Variants in PCDHGA2 observed in about 807,000 individuals in gnomAD.
PCDHGA2 encodes protocadherin gamma-A2.
A neutral mutation model predicts 59.2 loss-of-function variants in PCDHGA2; 40 were observed. The ratio of observed to expected loss-of-function variants is 0.68; its 90% confidence interval spans 0.52 to 0.88. The LOEUF is 0.88. Ranked by LOEUF, PCDHGA2 falls within the 40% of genes least tolerant of loss-of-function variation. The pLI is 0.00. For synonymous variants in PCDHGA2, 560 were observed against 526.0 expected (o/e 1.06, Z -0.89); for missense variants, 1,226 against 1,204.0 (o/e 1.02, Z -0.27).
At chr5:141,470,682 T>C (rs2099236741) in intron 1 of PCDHGA2, among the ~76,000 whole-genome samples, 1 of 152,138 alleles carries the variant, frequency 6.6e-6, no homozygotes, top group Non-Finnish European at 1.5e-5. Flanking sequence ...TGTTACCATC[T>C]TGAAATTCTT....
chr5:141,360,926 T>C, intron 1 of PCDHGA2: 1 of 1,613,986 alleles, frequency 6.2e-7, no homozygotes, highest in Non-Finnish European at 8.5e-7. Flanking sequence ...GTGCTTCAAG[T>C]GACAGCCACC....
At chr5:141,501,147 G>A (rs1166199034) in intron 2 of PCDHGA2, among the ~76,000 whole-genome samples, 1 of 152,142 alleles carries the variant, frequency 6.6e-6, no homozygotes, top group Non-Finnish European at 1.5e-5. Context: ...GATTACAGGT[G>A]GGAGCCACCA....
intron 1 of PCDHGA2, chr5:141,384,201 G>A (rs369190060): frequency 3.7e-6 from 6 of 1,613,802 alleles, no homozygotes; most frequent in Admixed American, 1.7e-5. Flanking sequence ...CCTTGTCCAG[G>A]GAAACTCACA....
At chr5:141,444,804 A>G (rs140326088) in intron 1 of PCDHGA2, among the ~76,000 whole-genome samples, 1 of 152,250 alleles carries the variant, frequency 6.6e-6, no homozygotes, top group Non-Finnish European at 1.5e-5. Flanking sequence ...TCTTTTACTA[A>G]TAGCACACTG....
rs756134036 is a variant in PCDHGA2 at position 141,374,596 on chromosome 5, G to GC, written c.2424+33202dup. On this transcript the variant is annotated intron_variant, in intron 1 of 3. Transcript: ENST00000394576. ...GAATGAACTCCCTTCAGGGATTTAA[G>GC]CTCAGTGGTAATAGTCACTTCTCAG... The GC allele has an allele frequency of 1.9e-6, 3 of 1,613,578 alleles. No homozygotes were observed. The African/African-American group carries it at 4.0e-5, about 22-fold the overall frequency.
chr5:141,507,754 C>T (rs1488474557), intron 3 of PCDHGA2, among the ~76,000 whole-genome samples: 7 of 152,242 alleles, frequency 4.6e-5, no homozygotes, highest in Admixed American at 2.0e-4. Flanking sequence ...GTCAAGGCCT[C>T]CCACCTTTGG....
intron 1 of PCDHGA2, chr5:141,399,859 G>T: frequency 1.2e-6 from 2 of 1,612,844 alleles, no homozygotes; most frequent in Non-Finnish European, 1.7e-6. Context: ...GCCGCGCGCT[G>T]CAGAGCCCGG....
chr5:141,415,293 C>G, intron 1 of PCDHGA2: 1 of 1,614,192 alleles, frequency 6.2e-7, no homozygotes, highest in Non-Finnish European at 8.5e-7. Flanking sequence ...CGGTCTCCTG[C>G]GTCTTCCTGG....
At chr5:141,419,151 C>A in intron 1 of PCDHGA2, 1 of 1,613,918 alleles carries the variant, frequency 6.2e-7, no homozygotes. Context: ...GGCAAGCCTC[C>A]GTTATCCTCC....
intron 1 of PCDHGA2, chr5:141,371,970 C>A: frequency 6.2e-7 from 1 of 1,613,250 alleles, no homozygotes; most frequent in Non-Finnish European, 8.5e-7. Context: ...CGAGCAGCTG[C>A]GTGCCTTCGA....
At chr5:141,415,055 C>G in intron 1 of PCDHGA2, 2 of 1,613,402 alleles carry the variant, frequency 1.2e-6, no homozygotes, top group East Asian at 2.2e-5. Flanking sequence ...GGGGAGCACA[C>G]GGGCGAGGTG....
chr5:141,357,847 AGC>A, intron 1 of PCDHGA2: 1 of 619,362 alleles, frequency 1.6e-6, no homozygotes, highest in Non-Finnish European at 2.7e-6. Flanking sequence ...TTGTAGTTTC[AGC>A]CAGAATTTTC....
intron 1 of PCDHGA2, chr5:141,350,456 G>T: frequency 1.2e-6 from 2 of 1,613,442 alleles, no homozygotes; most frequent in East Asian, 2.2e-5. Context: ...AAAACTGCGG[G>T]TTAGTGCAGA....
At chr5:141,393,388 C>G (rs775991086) in intron 1 of PCDHGA2, 7 of 1,613,992 alleles carry the variant, frequency 4.3e-6, no homozygotes, top group Non-Finnish European at 5.9e-6. Context: ...GCCATAAACC[C>G]AGAGCTGGTG....
intron 1 of PCDHGA2, chr5:141,365,398 C>T: frequency 1.2e-6 from 2 of 1,613,978 alleles, no homozygotes; most frequent in Non-Finnish European, 1.7e-6. Flanking sequence ...CCAGTTCGAT[C>T]TCTGAAGACT....
chr5:141,509,143 C>G (rs1022878562), intron 3 of PCDHGA2, among the ~76,000 whole-genome samples: 1 of 152,256 alleles, frequency 6.6e-6, no homozygotes, highest in African/African-American at 2.4e-5. Context: ...AGGCGCATCC[C>G]GGCTCTCCCC....
chr5:141,403,527 C>G lies in PCDHGA2; in HGVS notation c.2424+62132C>G. The G allele has an allele frequency of 3.1e-6, 5 of 1,614,022 alleles. No homozygotes were observed. The South Asian group carries it at 5.5e-5, about 18-fold the overall frequency. The stretch of plus-strand genomic sequence containing the variant: ...ACTGGAGACAATGGAGCCATAAACC[C>G]AGAGCTGGTGCTGGAGCGCGCCCTG... On this transcript the variant is annotated intron_variant, in intron 1 of 3. Coordinates refer to ENST00000394576, the MANE Select transcript of PCDHGA2 (RefSeq NM_018915.4).
chr5:141,384,219 G>A lies in PCDHGA2; in HGVS notation c.2424+42824G>A, dbSNP rs1283583728. The A allele has an allele frequency of 2.5e-6, 4 of 1,613,744 alleles. No individual in the cohort carries two copies. The East Asian group carries it at 8.9e-5, about 36-fold the overall frequency. On this transcript the variant is annotated intron_variant, in intron 1 of 3. Coordinates refer to ENST00000394576, the MANE Select transcript of PCDHGA2 (RefSeq NM_018915.4). ...TGTCCAGGGAAACTCACATATTCAT[G>A]CAGGTGGCAGACACCAACGATAACC... is the stretch of plus-strand genomic sequence containing the variant.
At chr5:141,371,401 A>G (rs776331475) in intron 1 of PCDHGA2, 4 of 1,614,018 alleles carry the variant, frequency 2.5e-6, no homozygotes, top group Admixed American at 3.3e-5. Flanking sequence ...GTACAGATAG[A>G]TATTTCAGAT....
Sources: gnomAD v4.1 joint callset for allele counts (sites outside exome capture counted in the v4.1 genomes callset) on GRCh38, gnomAD v4.1.1 for gene constraint, MANE v1.5 for transcripts, NCBI Gene and HGNC (gene_info 2026-07-23, HGNC 2026-07-21) for gene names.